The following SIK3 variants were observed in gnomAD, a reference collection of about 807,000 sequenced individuals.
SIK3 encodes the protein SIK family kinase 3.
SIK3 carries 28 observed loss-of-function variants against 144.2 expected under a neutral mutation model. That is an observed-to-expected ratio of 0.19 (90% CI 0.14 to 0.27). The LOEUF is 0.27. Among genes scored for constraint, SIK3 ranks in the 10% least tolerant of loss-of-function variants. SIK3 has a pLI of 1.00. For synonymous variants in SIK3, 686 were observed against 676.3 expected (o/e 1.01, Z -0.22); for missense variants, 1,319 against 1,776.0 (o/e 0.74, Z 4.62).
In SIK3 at chr11:116,867,159, T is replaced by C. The variant is rs1943690150; in HGVS notation, c.1952+787A>G. Reference sequence around the variant, plus strand: ...TCCTCCCCAAAAGACAGAAATAAAATACGCTCTAGTAACTGGTGGTGGCTT... The same window carrying C: ...TCCTCCCCAAAAGACAGAAATAAAACACGCTCTAGTAACTGGTGGTGGCTT... On this transcript the variant is annotated intron_variant, in intron 15 of 24. Transcript: ENST00000445177. This position sits in a 1 kb window ranked among gnomAD's most constrained non-coding sequence, Gnocchi z 4.1. 6.6e-6 allele frequency among the ~76,000 whole-genome samples: 1 copy of C among 152,196 alleles called. No individual in the cohort carries two copies. The highest frequency in any genetic ancestry group is 1.5e-5 in the Non-Finnish European group (1 of 68,022).
chr11:117,070,486 G>A (rs1355876647), intron 1 of SIK3, among the ~76,000 whole-genome samples: 4 of 148,986 alleles, frequency 2.7e-5, no homozygotes, highest in Non-Finnish European at 4.4e-5. Context: ...CACTCTTGTC[G>A]CCCAGGCTGG....
intron 1 of SIK3, among the ~76,000 whole-genome samples, chr11:116,991,969 T>C (rs1413648087): frequency 1.3e-5 from 2 of 152,124 alleles, no homozygotes; most frequent in African/African-American, 4.8e-5. Flanking sequence ...TATCACTAAA[T>C]TTATTACAGA....
chr11:117,010,067 GATC>G (rs1163810030), intron 1 of SIK3, among the ~76,000 whole-genome samples: 1 of 151,890 alleles, frequency 6.6e-6, no homozygotes, highest in Non-Finnish European at 1.5e-5. Context: ...AGGGTCACAT[GATC>G]ATCAAGGGGA....
chr11:116,882,142 A>G (rs1944583210), intron 6 of SIK3, among the ~76,000 whole-genome samples: 1 of 152,126 alleles, frequency 6.6e-6, no homozygotes, highest in Non-Finnish European at 1.5e-5. Context: ...AGGTTAGTAC[A>G]AAATGGGCCA....
At chr11:116,860,882 G>A (rs772071279) in intron 19 of SIK3, among the ~76,000 whole-genome samples, 20 of 152,272 alleles carry the variant, frequency 1.3e-4, no homozygotes, top group African/African-American at 2.9e-4. Context: ...AGTTTCTGGC[G>A]CTTTCCCCTG....
intron 1 of SIK3, among the ~76,000 whole-genome samples, chr11:116,968,368 T>A (rs1165384957): frequency 6.6e-6 from 1 of 152,110 alleles, no homozygotes; most frequent in African/African-American, 2.4e-5. Context: ...GGTCTCAAAC[T>A]CCTAACCTTG....
At chr11:117,067,846 G>T (rs1257497459) in intron 1 of SIK3, among the ~76,000 whole-genome samples, 2 of 152,004 alleles carry the variant, frequency 1.3e-5, no homozygotes, top group Admixed American at 1.3e-4. Flanking sequence ...AATTAGCTGG[G>T]CATGGTGACA....
chr11:117,035,566 T>C (rs1476432239), intron 1 of SIK3, among the ~76,000 whole-genome samples: 1 of 152,170 alleles, frequency 6.6e-6, no homozygotes, highest in Non-Finnish European at 1.5e-5. Context: ...CAGATAAAAG[T>C]AACTACCTAC....
At chr11:117,049,839 T>C (rs1053780005) in intron 1 of SIK3, among the ~76,000 whole-genome samples, 8 of 151,798 alleles carry the variant, frequency 5.3e-5, no homozygotes, top group Non-Finnish European at 1.0e-4. Context: ...ACTGTAGTCC[T>C]AGCTACCCAG....
At chr11:117,018,716 A>ATTTTTTT (rs1555129224) in intron 1 of SIK3, among the ~76,000 whole-genome samples, 1 of 72,944 alleles carries the variant, frequency 1.4e-5, no homozygotes. Flanking sequence ...ATTTTATTTT[A>ATTTTTTT]TTTATTTTTT....
chr11:117,035,414 G>C (rs979733947), intron 1 of SIK3, among the ~76,000 whole-genome samples: 4 of 152,072 alleles, frequency 2.6e-5, no homozygotes, highest in Admixed American at 6.5e-5. Flanking sequence ...ATCTATTAAT[G>C]ATTCTATTAA....
At chr11:116,917,036 C>G (rs1946681979) in intron 4 of SIK3, among the ~76,000 whole-genome samples, 1 of 151,956 alleles carries the variant, frequency 6.6e-6, no homozygotes, top group Non-Finnish European at 1.5e-5. Context: ...CTTACTGCAG[C>G]TTCAACCTCT....
intron 1 of SIK3, among the ~76,000 whole-genome samples, chr11:117,025,283 C>T (rs1436797897): frequency 6.6e-6 from 1 of 151,560 alleles, no homozygotes; most frequent in Non-Finnish European, 1.5e-5. Context: ...TAACTGATAC[C>T]CATAAAAGTA....
intron 3 of SIK3, among the ~76,000 whole-genome samples, chr11:116,933,635 C>CCTCTCT (rs144913929): frequency 1.3e-5 from 2 of 148,608 alleles, no homozygotes; most frequent in Non-Finnish European, 3.0e-5. Flanking sequence ...TTTCTTCCTT[C>CCTCTCT]CTCTCTCTCT....
At chr11:117,056,536 GATAGATATAGAT>G (rs56258473) in intron 1 of SIK3, among the ~76,000 whole-genome samples, 16,859 of 138,368 alleles carry the variant, frequency 0.12, 977 homozygotes, top group East Asian at 0.2. Flanking sequence ...AAAATATATA[GATAGATATAGAT>G]ATAGATATAG....
intron 1 of SIK3, among the ~76,000 whole-genome samples, chr11:117,055,820 T>A (rs2135932772): frequency 6.6e-6 from 1 of 152,354 alleles, no homozygotes; most frequent in South Asian, 2.1e-4. Flanking sequence ...AAAATGGGCT[T>A]GATGGAGGGA....
In SIK3 at chr11:116,858,499, T is replaced by C. The variant is rs774504942; in HGVS notation, c.2966A>G (p.His989Arg). 21 of 1,610,830 alleles carry C rather than the reference T, an allele frequency of 1.3e-5. No individual in the cohort carries two copies. The highest frequency in any genetic ancestry group is 1.7e-4 in the Middle Eastern group (1 of 6,050). Residue 989 changes from histidine (H) to arginine (R), a missense_variant, in exon 21 of 25, where the codon CAC becomes CGC. By Grantham distance (29) the His-to-Arg change is conservative. This residue lies in a region of SIK3 where 646 missense variants were observed against 763.7 expected (regional missense o/e 0.85). Coordinates refer to ENST00000445177, the MANE Select transcript of SIK3 (RefSeq NM_001366686.3). The surrounding 1 kb of genome is among the most constrained non-coding windows in gnomAD (Gnocchi z 5.4). ...FPPSAHQQPP[H>R]YTTSALQQAL... ...CTGCTGTAGTGCCGACGTGGTATAG[T>C]GTGGCGGCTGCTGATGTGCACTGGG...
At chr11:117,020,052 T>C (rs1170174545) in intron 1 of SIK3, among the ~76,000 whole-genome samples, 2 of 152,056 alleles carry the variant, frequency 1.3e-5, no homozygotes, top group East Asian at 3.9e-4. Flanking sequence ...CCACATCAAC[T>C]GCTACTAGCT....
At chr11:117,062,133 T>C (rs369577495) in intron 1 of SIK3, among the ~76,000 whole-genome samples, 4 of 152,096 alleles carry the variant, frequency 2.6e-5, no homozygotes, top group East Asian at 3.9e-4. Context: ...AAGACCAGCC[T>C]GGCCAACATG....
Sources: gnomAD v4.1 joint callset for allele counts (sites outside exome capture counted in the v4.1 genomes callset) on GRCh38, gnomAD v4.1.1 for gene constraint, gnomAD v4.1.1 regional missense constraint, Gnocchi (gnomAD v3.1) non-coding constraint, MANE v1.5 for transcripts, NCBI Gene and HGNC (gene_info 2026-07-23, HGNC 2026-07-21) for gene names.